The following TBC1D22A variants were observed in gnomAD, a reference collection of about 807,000 sequenced individuals.
TBC1D22A encodes the protein putative GTPase activator.
In TBC1D22A, 38 loss-of-function variants were observed where a neutral mutation model predicts 60.2. The observed-to-expected ratio is 0.63, with a 90% confidence interval of 0.49 to 0.83. The LOEUF (loss-of-function observed/expected upper bound fraction) is 0.83. TBC1D22A is among the 40% of genes least tolerant of loss of function. The pLI, the probability that TBC1D22A is intolerant of heterozygous loss-of-function variation, is 0.00. For missense variants in TBC1D22A, 628 were observed against 701.0 expected (o/e 0.90, Z 1.18); for synonymous variants, 302 against 281.7 (o/e 1.07, Z -0.72).
At chr22:47,127,218 T>A (rs1269830132) in intron 12 of TBC1D22A, among the ~76,000 whole-genome samples, 1 of 144,086 alleles carries the variant, frequency 6.9e-6, no homozygotes, top group Non-Finnish European at 1.5e-5. Context: ...TATCTTTTTT[T>A]TTCTTTTTCT....
chr22:46,897,640 G>GTTTTTTTGTTTTTTTTTTTTTTTTTTTT (rs1569189469), intron 7 of TBC1D22A, among the ~76,000 whole-genome samples: 1 of 108,380 alleles, frequency 9.2e-6, no homozygotes, highest in African/African-American at 4.2e-5. Context: ...GTTTCGTTTT[G>GTTTTTTTGTTTTTTTTTTTTTTTTTTTT]TTTTTTTTTG....
chr22:47,161,708 T>C (rs887462613), intron 12 of TBC1D22A, among the ~76,000 whole-genome samples: 2 of 152,262 alleles, frequency 1.3e-5, no homozygotes, highest in African/African-American at 4.8e-5. Flanking sequence ...AGGCAGCGCC[T>C]GGACCCTGTG....
intron 11 of TBC1D22A, among the ~76,000 whole-genome samples, chr22:47,092,440 C>T (rs1306311872): frequency 1.3e-5 from 2 of 152,046 alleles, no homozygotes; most frequent in Middle Eastern, 3.2e-3. Context: ...GGAATGAGTC[C>T]CAGGAGAGAG....
At chr22:47,070,047 GT>G (rs1337388338) in intron 11 of TBC1D22A, among the ~76,000 whole-genome samples, 1 of 138,894 alleles carries the variant, frequency 7.2e-6, no homozygotes, top group African/African-American at 3.0e-5. Flanking sequence ...TGACCTGATG[GT>G]TCCAGGCTGT....
intron 12 of TBC1D22A, among the ~76,000 whole-genome samples, chr22:47,163,903 A>G (rs1569479629): frequency 1.3e-5 from 2 of 152,216 alleles, no homozygotes; most frequent in African/African-American, 2.4e-5. Flanking sequence ...ATAACTGCAC[A>G]TATCAGCACC....
rs56991463 is a variant in TBC1D22A, at chr22:47,049,007, C to T, written c.1329+11809C>T. 1.9e-3 allele frequency among the ~76,000 whole-genome samples: 282 copies of T among 152,340 alleles called. 2 individuals carry two copies. The highest frequency in any genetic ancestry group is 6.4e-3 in the African/African-American group (265 of 41,584). On this transcript the variant is annotated intron_variant, in intron 11 of 12. Transcript: ENST00000337137. ...TTAACCTGAGAATTGCTTTCAGGAG[C>T]TTGGCCTCCTGTGTCCCCAGCATGG... is the stretch of plus-strand genomic sequence containing the variant.
At chr22:46,854,433 T>C (rs1213270054) in intron 4 of TBC1D22A, among the ~76,000 whole-genome samples, 2 of 152,176 alleles carry the variant, frequency 1.3e-5, no homozygotes, top group Admixed American at 1.3e-4. Context: ...CTCCACTTCC[T>C]GTTTACATCA....
chr22:47,096,839 A>G (rs2065198831), intron 11 of TBC1D22A, among the ~76,000 whole-genome samples: 2 of 152,134 alleles, frequency 1.3e-5, no homozygotes, highest in South Asian at 4.1e-4. Context: ...ATAAAAATAA[A>G]TAAATAAATA....
At chr22:46,784,669 G>A (rs1466041290) in intron 1 of TBC1D22A, among the ~76,000 whole-genome samples, 1 of 152,168 alleles carries the variant, frequency 6.6e-6, no homozygotes, top group Non-Finnish European at 1.5e-5. Flanking sequence ...TTTTAAAAAG[G>A]ACATGCAAAT....
At position 46,974,272 on chromosome 22, in the gene TBC1D22A, A is replaced by G. The variant is rs1282758572; in HGVS notation, c.1016-18A>G. 6.4e-7 allele frequency: 1 copy of G among 1,569,488 alleles called. No homozygotes were observed. Among genetic ancestry groups the G allele is most frequent in the Admixed American group, 1.9e-5 (1 of 53,258 alleles). Reference sequence around the variant, plus strand: ...GTGGCTAAGTCTCCTTGTCTTTTGCATGCTCGGCGCCGCCCAGAGGCAGAG... The same window carrying G: ...GTGGCTAAGTCTCCTTGTCTTTTGCGTGCTCGGCGCCGCCCAGAGGCAGAG... On this transcript the variant is annotated intron_variant, in intron 8 of 12. Transcript: ENST00000337137.
intron 10 of TBC1D22A, among the ~76,000 whole-genome samples, chr22:47,029,122 A>G (rs1269843623): frequency 6.6e-6 from 1 of 151,906 alleles, no homozygotes; most frequent in East Asian, 1.9e-4. Flanking sequence ...GGACCAGCCA[A>G]ATGTGGAGAA....
intron 12 of TBC1D22A, among the ~76,000 whole-genome samples, chr22:47,140,293 C>T (rs566258477): frequency 1.5e-4 from 23 of 151,810 alleles, no homozygotes; most frequent in African/African-American, 4.8e-4. Flanking sequence ...TACTGTGGGC[C>T]GGGCGTGGTG....
chr22:47,117,595 C>T (rs1460907636), intron 12 of TBC1D22A, among the ~76,000 whole-genome samples: 1 of 151,948 alleles, frequency 6.6e-6, no homozygotes, highest in Non-Finnish European at 1.5e-5. Flanking sequence ...CACCCCACAC[C>T]TTGGCCTTCT....
intron 7 of TBC1D22A, among the ~76,000 whole-genome samples, chr22:46,902,204 G>A (rs1019888339): frequency 5.3e-5 from 8 of 152,220 alleles, no homozygotes; most frequent in African/African-American, 1.7e-4. Context: ...TAGCATGCAT[G>A]TTCTGGCGTT....
chr22:46,888,996 G>A (rs771802794), intron 5 of TBC1D22A, among the ~76,000 whole-genome samples: 8 of 152,196 alleles, frequency 5.3e-5, no homozygotes, highest in South Asian at 2.1e-4. Flanking sequence ...GAGCTACCGC[G>A]TCTGTCCAAA....
chr22:47,021,901 C>T (rs1470402626), intron 10 of TBC1D22A, among the ~76,000 whole-genome samples: 1 of 152,206 alleles, frequency 6.6e-6, no homozygotes, highest in Non-Finnish European at 1.5e-5. Flanking sequence ...CACCCGCTTG[C>T]CACCCCGCCC....
intron 11 of TBC1D22A, among the ~76,000 whole-genome samples, chr22:47,051,535 T>C (rs1271753743): frequency 2.0e-5 from 3 of 152,076 alleles, no homozygotes; most frequent in Admixed American, 2.0e-4. Context: ...TTCTTTGATC[T>C]CAAAACGCCC....
At chr22:46,861,618 G>A (rs960005740) in intron 4 of TBC1D22A, among the ~76,000 whole-genome samples, 36 of 152,342 alleles carry the variant, frequency 2.4e-4, no homozygotes, top group African/African-American at 7.2e-4. Flanking sequence ...CTGGGCCAGC[G>A]GTGCCCATGT....
At chr22:46,894,938 CACCCA>C in intron 7 of TBC1D22A, 92 bp downstream of exon 7, 6 of 1,423,072 alleles carry the variant, frequency 4.2e-6, no homozygotes, top group Non-Finnish European at 5.9e-6. Flanking sequence ...GGAGGTGCTT[CACCCA>C]GAAGCAAGGT....
Sources: allele counts gnomAD v4.1 joint callset (sites outside exome capture counted in the v4.1 genomes callset), GRCh38; gene constraint gnomAD v4.1.1; transcripts MANE v1.5; gene names NCBI Gene and HGNC (gene_info 2026-07-23, HGNC 2026-07-21).